TMCO4: variants seen among roughly 807,000 people sequenced by gnomAD.
TMCO4 encodes the protein transmembrane and coiled-coil domain-containing protein 4.
In TMCO4, 58 loss-of-function variants were observed where a neutral mutation model predicts 64.7. The ratio of observed to expected loss-of-function variants is 0.90; its 90% CI spans 0.73 to 1.12. The LOEUF (loss-of-function observed/expected upper bound fraction) is 1.12. TMCO4 is among the 50% of genes most tolerant of loss of function. The pLI is 0.00. For synonymous variants in TMCO4, 325 were observed against 346.1 expected, an observed-to-expected ratio of 0.94 and a Z score of 0.68; for missense variants, 780 against 825.9, an observed-to-expected ratio of 0.94 and a Z score of 0.68.
At chr1:19,725,616 T>C (rs972459705) in intron 13 of TMCO4, among the ~76,000 whole-genome samples, 17 of 152,154 alleles carry the variant, frequency 1.1e-4, no homozygotes, top group Admixed American at 9.2e-4. Context: ...AGAAATACCC[T>C]TGGGGACAGG....
intron 4 of TMCO4, among the ~76,000 whole-genome samples, chr1:19,772,626 C>T (rs989761599): frequency 1.8e-4 from 28 of 152,138 alleles, no homozygotes; most frequent in African/African-American, 6.5e-4. Flanking sequence ...TCGATTATAC[C>T]ACTCCCGGGA....
In TMCO4 at chr1:19,694,683, G is replaced by A. The variant is rs2095223871; in HGVS notation, c.1383-132C>T. 8.0e-6 allele frequency: 6 copies of A among 745,926 alleles called. No individual in the cohort carries two copies. The South Asian group carries it at 8.5e-5, about 11-fold the overall frequency. 46.2% of individuals were successfully genotyped at this position (745,926 alleles called of 1,614,324 possible). ...CTGGGGGAAAACAGGGCCCCTGATTGCACGGTGGGGATGGAAGATGAAGCA... is the reference window on the plus strand; with the variant it reads ...CTGGGGGAAAACAGGGCCCCTGATTACACGGTGGGGATGGAAGATGAAGCA... On this transcript the variant is annotated intron_variant, in intron 14 of 15. Coordinates refer to ENST00000294543, the MANE Select transcript of TMCO4 (RefSeq NM_181719.7).
intron 13 of TMCO4, among the ~76,000 whole-genome samples, chr1:19,704,443 G>A (rs1435516324): frequency 6.6e-6 from 1 of 152,268 alleles, no homozygotes; most frequent in Admixed American, 6.5e-5. Flanking sequence ...ATGAGAATAA[G>A]CCTGGGAGCA....
At chr1:19,733,627 G>A (rs1462723073) in intron 13 of TMCO4, among the ~76,000 whole-genome samples, 1 of 152,090 alleles carries the variant, frequency 6.6e-6, no homozygotes, top group Non-Finnish European at 1.5e-5. Context: ...TCCATATAGG[G>A]GCCTCATATA....
At chr1:19,696,992 T>C (rs1174427452) in intron 14 of TMCO4, among the ~76,000 whole-genome samples, 3 of 152,224 alleles carry the variant, frequency 2.0e-5, no homozygotes, top group African/African-American at 4.8e-5. Context: ...GACAGGTTGC[T>C]TGACCTTTCT....
chr1:19,728,928 A>C (rs1270545647), intron 13 of TMCO4, among the ~76,000 whole-genome samples: 1 of 152,240 alleles, frequency 6.6e-6, no homozygotes, highest in Non-Finnish European at 1.5e-5. Flanking sequence ...GATTAATTAC[A>C]GAGGCCAGAA....
At chr1:19,767,358 T>C (rs1399773654) in intron 6 of TMCO4, among the ~76,000 whole-genome samples, 2 of 152,180 alleles carry the variant, frequency 1.3e-5, no homozygotes, top group Non-Finnish European at 2.9e-5. Flanking sequence ...TCATTCTCAA[T>C]GGAAATTTTA....
intron 13 of TMCO4, among the ~76,000 whole-genome samples, chr1:19,705,676 T>C (rs906369563): frequency 1.3e-5 from 2 of 151,818 alleles, no homozygotes; most frequent in Non-Finnish European, 2.9e-5. Context: ...TAGATATGGA[T>C]AGGCAGTCAG....
intron 14 of TMCO4, among the ~76,000 whole-genome samples, chr1:19,697,773 ATTTT>A (rs55842212): frequency 4.0e-5 from 5 of 125,610 alleles, no homozygotes; most frequent in Non-Finnish European, 5.1e-5. Context: ...TAATTTTTGT[ATTTT>A]TTTTTTTTTT....
At chr1:19,758,307 T>G (rs1207881661) in intron 6 of TMCO4, among the ~76,000 whole-genome samples, 1 of 152,148 alleles carries the variant, frequency 6.6e-6, no homozygotes, top group South Asian at 2.1e-4. Flanking sequence ...CTTGGGGTTA[T>G]TAGATTCAGT....
At chr1:19,741,740 TTC>T (rs1309073494) in intron 10 of TMCO4, among the ~76,000 whole-genome samples, 7 of 146,688 alleles carry the variant, frequency 4.8e-5, no homozygotes, top group South Asian at 2.2e-4. Flanking sequence ...CTTTCTTTCT[TTC>T]TTTTTTTTTT....
intron 13 of TMCO4, among the ~76,000 whole-genome samples, chr1:19,736,090 A>C (rs2095453043): frequency 6.6e-6 from 1 of 152,192 alleles, no homozygotes; most frequent in Non-Finnish European, 1.5e-5. Flanking sequence ...GCCAACTCAT[A>C]GAATCGTGAG....
chr1:19,710,929 G>C (rs1409545625), intron 13 of TMCO4, among the ~76,000 whole-genome samples: 1 of 152,196 alleles, frequency 6.6e-6, no homozygotes, highest in East Asian at 1.9e-4. Context: ...GTGGAGGTGG[G>C]TGAACAGATA....
At chr1:19,750,743 C>T (rs951323263) in intron 7 of TMCO4, among the ~76,000 whole-genome samples, 4 of 152,202 alleles carry the variant, frequency 2.6e-5, no homozygotes, top group African/African-American at 9.7e-5. Flanking sequence ...ACCTTCTGGC[C>T]CCTGGCCATC....
chr1:19,764,251 T>G (rs1251519234), intron 6 of TMCO4, among the ~76,000 whole-genome samples: 1 of 152,210 alleles, frequency 6.6e-6, no homozygotes, highest in Non-Finnish European at 1.5e-5. Flanking sequence ...CCCCGGGGCC[T>G]GTCTGGAATC....
At chr1:19,754,826 T>A (rs2042171482) in intron 7 of TMCO4, among the ~76,000 whole-genome samples, 6 of 152,154 alleles carry the variant, frequency 3.9e-5, no homozygotes. Flanking sequence ...ACCAAGCACT[T>A]GCTGTGTGCC....
intron 6 of TMCO4, among the ~76,000 whole-genome samples, chr1:19,765,766 T>C (rs2042710844): frequency 2.0e-5 from 3 of 151,960 alleles, no homozygotes; most frequent in Admixed American, 2.0e-4. Flanking sequence ...CACCGTTCGG[T>C]GACTAACATC....
intron 2 of TMCO4, among the ~76,000 whole-genome samples, chr1:19,791,420 T>C (rs1325032550): frequency 6.6e-6 from 1 of 152,128 alleles, no homozygotes; most frequent in East Asian, 1.9e-4. Flanking sequence ...GATGCTGGAA[T>C]GGGGGAGCCC....
At chr1:19,694,395 G>A (rs757265373) in intron 15 of TMCO4, 39 bp downstream of exon 15, 4 of 1,580,388 alleles carry the variant, frequency 2.5e-6, no homozygotes, top group South Asian at 1.1e-5. Flanking sequence ...GAGCAACTAA[G>A]CAAACGCAAA....
Sources: allele counts gnomAD v4.1 joint callset (sites outside exome capture counted in the v4.1 genomes callset), GRCh38; gene constraint gnomAD v4.1.1; transcripts MANE v1.5; gene names NCBI Gene and HGNC (gene_info 2026-07-23, HGNC 2026-07-21).